ANAPC1: variants seen among roughly 807,000 people sequenced by gnomAD.
ANAPC1 encodes the protein anaphase-promoting complex subunit 1.
In ANAPC1, 36 loss-of-function variants were observed where a neutral mutation model predicts 208.0. The ratio of observed to expected loss-of-function variants is 0.17; its 90% CI spans 0.13 to 0.23. The LOEUF (loss-of-function observed/expected upper bound fraction) is 0.23, where lower values mean the gene tolerates loss of function less well. Ranked by LOEUF, ANAPC1 falls within the 10% of genes least tolerant of loss-of-function variation. The pLI is 1.00. For missense variants in ANAPC1, 942 were observed against 2,011.6 expected (o/e 0.47, Z 10.17); for synonymous variants, 378 against 695.2 (o/e 0.54, Z 7.18).
intron 16 of ANAPC1, among the ~76,000 whole-genome samples, chr2:111,844,553 G>C (rs963642180): frequency 2.5e-4 from 35 of 140,106 alleles, no homozygotes; most frequent in Admixed American, 9.1e-4. Flanking sequence ...TGGATGACTA[G>C]AGCGAAACTC....
At chr2:111,836,457 A>AT (rs1680472787) in intron 18 of ANAPC1, among the ~76,000 whole-genome samples, 1 of 151,278 alleles carries the variant, frequency 6.6e-6, no homozygotes, top group South Asian at 2.1e-4. Context: ...CCTGGGCAAC[A>AT]TATTATAGTA....
chr2:111,864,710 G>A, intron 8 of ANAPC1, 96 bp downstream of exon 8: 1 of 1,582,990 alleles, frequency 6.3e-7, no homozygotes, highest in Non-Finnish European at 8.6e-7. Context: ...TGATCCGCCT[G>A]CCTTGGCCTC....
rs368899588 is a variant in ANAPC1 at position 111,850,546 on chromosome 2, T to A, written c.1650+230A>T. ...ACAGTACATCAACTCCACACAATTG[T>A]GAGATCCCTAGATGGAAAAGAATGT... On this transcript the variant is annotated intron_variant, in intron 14 of 47. Coordinates refer to ENST00000341068, the MANE Select transcript of ANAPC1 (RefSeq NM_022662.4). 4.1e-3 allele frequency among the ~76,000 whole-genome samples: 626 copies of A among 151,218 alleles called. 3 individuals carry two copies. The highest frequency in any genetic ancestry group is 0.031 in the Middle Eastern group (9 of 294).
chr2:111,770,230 A>ATATATATATATATATATATAC (rs1558652585), intron 47 of ANAPC1, among the ~76,000 whole-genome samples: 1 of 89,426 alleles, frequency 1.1e-5, no homozygotes, highest in African/African-American at 4.5e-5. Context: ...TATATATATA[A>ATATATATATATATATATATAC]ATTCTTTAAA....
At chr2:111,863,455 T>C (rs1682196870) in intron 9 of ANAPC1, among the ~76,000 whole-genome samples, 1 of 142,542 alleles carries the variant, frequency 7.0e-6, no homozygotes, top group Non-Finnish European at 1.5e-5. Flanking sequence ...GAGTTTGCAG[T>C]GAGTCAAGAT....
rs868504906 is a variant in ANAPC1 at position 111,806,982 on chromosome 2, G to T, written c.3833-1089C>A. Reference sequence around the variant, plus strand: ...AGGCCAAGGCAGGAGGATCACTTGAGGTCAACGAGTTCGAGACCAGCCTGT... The same window carrying T: ...AGGCCAAGGCAGGAGGATCACTTGATGTCAACGAGTTCGAGACCAGCCTGT... On this transcript the variant is annotated intron_variant, in intron 29 of 47. Transcript: ENST00000341068. 6.9e-3 allele frequency among the ~76,000 whole-genome samples: 438 copies of T among 63,606 alleles called. 9 individuals carry two copies. The highest frequency in any genetic ancestry group is 0.028 in the African/African-American group (415 of 14,800). The allele number at this position is 63,606 out of a possible 152,430, so 41.7% of individuals were successfully genotyped here. A position where few individuals can be genotyped will look rare whatever the true frequency, so the allele number is the denominator to read the frequency against.
chr2:111,799,210 T>G (rs1678318475), intron 34 of ANAPC1, among the ~76,000 whole-genome samples: 1 of 152,064 alleles, frequency 6.6e-6, no homozygotes, highest in Non-Finnish European at 1.5e-5. Context: ...TTCTCAACAT[T>G]AACAGTCAGC....
chr2:111,841,642 C>T (rs1317469138), intron 17 of ANAPC1, among the ~76,000 whole-genome samples: 1 of 152,106 alleles, frequency 6.6e-6, no homozygotes, highest in Non-Finnish European at 1.5e-5. Flanking sequence ...GGCTAGGTCA[C>T]ATGGCATCTT....
chr2:111,794,687 T>C (rs1364512161), intron 35 of ANAPC1, 131 bp downstream of exon 35: 2 of 1,333,086 alleles, frequency 1.5e-6, no homozygotes, highest in Non-Finnish European at 2.1e-6. Flanking sequence ...GAACATCTGA[T>C]AAATAATGGT....
chr2:111,883,309 A>G (rs1010108928), intron 1 of ANAPC1, among the ~76,000 whole-genome samples: 2 of 152,054 alleles, frequency 1.3e-5, no homozygotes, highest in Non-Finnish European at 2.9e-5. Context: ...CTGCAATTTT[A>G]TAATGTTATT....
At chr2:111,803,009 G>C in intron 32 of ANAPC1, 1 of 167,460 alleles carries the variant, frequency 6.0e-6, no homozygotes, top group South Asian at 7.9e-5. Context: ...TAGCAAGTTA[G>C]GAAGGCAGAC....
chr2:111,817,670 T>C (rs1355058393), intron 27 of ANAPC1, among the ~76,000 whole-genome samples: 2 of 150,698 alleles, frequency 1.3e-5, no homozygotes, highest in Non-Finnish European at 3.0e-5. Flanking sequence ...ACTCTGGATT[T>C]TTTAAAGTAT....
At chr2:111,841,250 A>G in intron 17 of ANAPC1, among the ~76,000 whole-genome samples, 1 of 152,038 alleles carries the variant, frequency 6.6e-6, no homozygotes, top group East Asian at 1.9e-4. Context: ...GAGAGAGAGT[A>G]GTAAACAAAA....
rs190612131 is a variant in ANAPC1 at position 111,856,711 on chromosome 2, T to C, written c.1450-32A>G. ...AAACAAAAAAGACAAAAAATTTATT[T>C]CCCAATCTGAGCAAATTAACAGATT... is the stretch of plus-strand genomic sequence containing the variant. On this transcript the variant is annotated intron_variant, in intron 12 of 47. Coordinates refer to ENST00000341068, the MANE Select transcript of ANAPC1 (RefSeq NM_022662.4). 943 of 1,613,592 alleles carry C rather than the reference T, an allele frequency of 5.8e-4. 4 individuals are homozygous for C. The African/African-American group carries it at 0.011, about 19-fold the overall frequency.
intron 10 of ANAPC1, among the ~76,000 whole-genome samples, chr2:111,859,628 G>C (rs191384514): frequency 5.1e-4 from 78 of 152,252 alleles, no homozygotes; most frequent in African/African-American, 1.8e-3. Flanking sequence ...AAACCAGACA[G>C]ACTACTTCAA....
In ANAPC1 at chr2:111,858,236, G is replaced by T. The variant is rs1681843034; in HGVS notation, c.1358+70C>A. On this transcript the variant is annotated intron_variant, in intron 11 of 47. Transcript: ENST00000341068. ...AAACTACTTAAGCCAAAAAAAAAAG[G>T]AAAGAAAAGAAAAAGAAAAAGCAGT... is the stretch of plus-strand genomic sequence containing the variant. 6 of 1,197,806 alleles carry T rather than the reference G, an allele frequency of 5.0e-6. No individual in the cohort carries two copies. The Admixed American group carries it at 8.1e-5, about 16-fold the overall frequency. 74.2% of individuals were successfully genotyped at this position (1,197,806 alleles called of 1,614,324 possible). A position where few individuals can be genotyped will look rare whatever the true frequency, so the allele number is the denominator to read the frequency against.
chr2:111,794,470 A>C, intron 35 of ANAPC1, 147 bp from the exon 36 acceptor site: 2 of 699,814 alleles, frequency 2.9e-6, no homozygotes, highest in Non-Finnish European at 4.5e-6. Flanking sequence ...ATTTCTATGT[A>C]TTTTTTTTTC....
In ANAPC1 at chr2:111,856,783, G is replaced by C; in HGVS notation, c.1449+13C>G. ...AAGCGTAATTGTCAACTTCTCAAATGTGCCTACATTACCTCCACTGGTGCT... is the reference window on the plus strand; with the variant it reads ...AAGCGTAATTGTCAACTTCTCAAATCTGCCTACATTACCTCCACTGGTGCT... On this transcript the variant is annotated intron_variant, in intron 12 of 47. Transcript: ENST00000341068. 6.2e-7 allele frequency: 1 copy of C among 1,613,540 alleles called. No homozygotes were observed. Among genetic ancestry groups the C allele is most frequent in the South Asian group, 1.1e-5 (1 of 91,052 alleles).
chr2:111,862,665 A>G, intron 9 of ANAPC1, 67 bp from the exon 10 acceptor site: 1 of 1,543,178 alleles, frequency 6.5e-7, no homozygotes, highest in Non-Finnish European at 8.7e-7. Context: ...CACACACTCC[A>G]ATGACACTTC....
Sources: allele counts gnomAD v4.1 joint callset (sites outside exome capture counted in the v4.1 genomes callset), GRCh38; gene constraint gnomAD v4.1.1; transcripts MANE v1.5; gene names NCBI Gene and HGNC (gene_info 2026-07-23, HGNC 2026-07-21).